MCF2: variants seen among roughly 807,000 people sequenced by gnomAD.
MCF2 encodes the protein proto-oncogene DBL.
MCF2 carries 44 observed loss-of-function variants against 82.5 expected under a neutral mutation model. The observed-to-expected ratio is 0.53, with a 90% CI of 0.42 to 0.69. MCF2 has a LOEUF of 0.69. Ranked by LOEUF, MCF2 falls within the 30% of genes least tolerant of loss-of-function variation. MCF2 has a pLI of 0.00. For missense variants in MCF2, 623 were observed against 663.1 expected (o/e 0.94, Z 0.66); for synonymous variants, 217 against 224.9 (o/e 0.96, Z 0.32).
intron 1 of MCF2, among the ~76,000 whole-genome samples, chrX:139,677,346 C>T (rs762783116): frequency 1.7e-4 from 19 of 111,431 alleles, no homozygotes; most frequent in Non-Finnish European, 3.0e-4. Context: ...AAGTCGCCCA[C>T]CCGACCCTCT....
chrX:139,664,456 C>G lies in MCF2; in HGVS notation c.-44-12668G>C, dbSNP rs2148543500. ...TACATTGAGTCTATGTGTTTCTTTACTGGTAAGGTGAAGCCATACAGGCTT... is the reference window on the plus strand; with the variant it reads ...TACATTGAGTCTATGTGTTTCTTTAGTGGTAAGGTGAAGCCATACAGGCTT... On this transcript the variant is annotated intron_variant, in intron 1 of 27. Coordinates refer to the MCF2 transcript ENST00000414978. 1.8e-5 allele frequency among the ~76,000 whole-genome samples: 2 copies of G among 111,893 alleles called. 1 individual carries two copies. The highest frequency in any genetic ancestry group is 7.4e-4 in the South Asian group (2 of 2,688).
intron 19 of MCF2, among the ~76,000 whole-genome samples, chrX:139,595,561 A>T (rs1929991108): frequency 1.3e-5 from 1 of 75,576 alleles, no homozygotes; most frequent in African/African-American, 5.4e-5. Flanking sequence ...GGAACATCAC[A>T]CTCCGGGGAC....
intron 1 of MCF2, among the ~76,000 whole-genome samples, chrX:139,659,642 T>C (rs1325983383): frequency 8.9e-6 from 1 of 111,787 alleles, no homozygotes; most frequent in African/African-American, 3.3e-5. Context: ...ACACGTGCCA[T>C]GTCATCCAAG....
intron 1 of MCF2, among the ~76,000 whole-genome samples, chrX:139,655,227 G>C (rs1409748422): frequency 1.8e-5 from 2 of 111,848 alleles, no homozygotes; most frequent in African/African-American, 6.5e-5. Flanking sequence ...AATTTCTGTG[G>C]GTAGAATTGT....
At position 139,685,164 on chromosome X, in the gene MCF2, C is replaced by A. The variant is rs73577581; in HGVS notation, c.-45+22942G>T. ...AGAAATCCTAGCCAAAACAATAAAACAAGACAAAGAAATAGAAGATATCCA... is the reference window on the plus strand; with the variant it reads ...AGAAATCCTAGCCAAAACAATAAAAAAAGACAAAGAAATAGAAGATATCCA... On this transcript the variant is annotated intron_variant, in intron 1 of 27. Coordinates refer to the MCF2 transcript ENST00000414978. Among the ~76,000 whole-genome samples the A allele has an allele frequency of 8.8e-3, 971 of 110,788 alleles. 10 individuals are homozygous for A. The highest frequency in any genetic ancestry group is 0.028 in the African/African-American group (863 of 30,460).
At chrX:139,698,049 AG>A (rs1935417565) in intron 1 of MCF2, among the ~76,000 whole-genome samples, 1 of 111,420 alleles carries the variant, frequency 9.0e-6, no homozygotes, top group African/African-American at 3.3e-5. Flanking sequence ...CTGAAGTGGG[AG>A]GCTCACCTGA....
At chrX:139,669,761 GA>G (rs1243847186) in intron 1 of MCF2, among the ~76,000 whole-genome samples, 1 of 111,689 alleles carries the variant, frequency 9.0e-6, no homozygotes, top group Non-Finnish European at 1.9e-5. Flanking sequence ...GATGAATCCT[GA>G]AAAAAACACG....
At chrX:139,676,041 C>G (rs1300152145) in intron 1 of MCF2, among the ~76,000 whole-genome samples, 1 of 112,655 alleles carries the variant, frequency 8.9e-6, no homozygotes, top group East Asian at 2.8e-4. Flanking sequence ...CGGACCCCCT[C>G]CCCCTGCTAG....
chrX:139,644,021 C>T (rs1415805352), upstream of MCF2, among the ~76,000 whole-genome samples: 1 of 111,958 alleles, frequency 8.9e-6, no homozygotes, highest in Non-Finnish European at 1.9e-5. Context: ...AAGGTCTACT[C>T]AGCAAGCCCA....
intron 1 of MCF2, among the ~76,000 whole-genome samples, chrX:139,705,085 C>A (rs1438622487): frequency 2.7e-5 from 3 of 111,138 alleles, no homozygotes; most frequent in Non-Finnish European, 3.8e-5. Flanking sequence ...GCTGAGGTGG[C>A]CAGATCACTT....
intron 19 of MCF2, among the ~76,000 whole-genome samples, chrX:139,594,258 G>A (rs1480986507): frequency 1.5e-4 from 17 of 110,110 alleles, no homozygotes; most frequent in East Asian, 8.5e-4. Context: ...AAAAGAGCCC[G>A]CACCGCCAAG....
intron 1 of MCF2, among the ~76,000 whole-genome samples, chrX:139,697,366 C>A (rs1935403977): frequency 8.9e-6 from 1 of 111,880 alleles, no homozygotes; most frequent in African/African-American, 3.2e-5. Flanking sequence ...ACATCTGGAT[C>A]CAGCCATGAC....
intron 21 of MCF2, 54 bp downstream of exon 25, chrX:139,588,306 G>A (rs901504219): frequency 9.8e-6 from 9 of 919,165 alleles, no homozygotes; most frequent in Non-Finnish European, 1.4e-5. Flanking sequence ...AAAAATCTGA[G>A]TCAATAAGCT....
rs67506907 is a variant in MCF2, at chrX:139,693,483, AACACACAC to A, written c.-45+14615_-45+14622del. Among the ~76,000 whole-genome samples the A allele has an allele frequency of 9.6e-3, 947 of 98,407 alleles. 11 individuals are homozygous for A. The highest frequency in any genetic ancestry group is 0.033 in the African/African-American group (898 of 26,983). 85.5% of individuals were successfully genotyped at this position (98,407 alleles called of 115,157 possible). A position where few individuals can be genotyped will look rare whatever the true frequency, so the allele number is the denominator to read the frequency against. ...CAAAAGGCAGAGTGAGTAGGGGAGG[AACACACAC>A]ACACACACACACACACACACACATG... is the stretch of plus-strand genomic sequence containing the variant. On this transcript the variant is annotated intron_variant, in intron 1 of 27. Transcript: ENST00000414978.
In MCF2 at chrX:139,635,895, A is replaced by AT. The variant is rs770060941; in HGVS notation, c.52-3442_52-3441insA. 9.1e-3 allele frequency among the ~76,000 whole-genome samples: 997 copies of AT among 109,499 alleles called. 14 individuals carry two copies. The highest frequency in any genetic ancestry group is 0.029 in the African/African-American group (881 of 30,006). On this transcript the variant is annotated intron_variant, in intron 1 of 24. Coordinates refer to ENST00000370576, the Ensembl canonical transcript of MCF2. ...CCTCCCACCCTCCACCCTCAAGTAG[A>AT]CCCGTGTCTGTTGTTTCCTTCTTTG...
intron 2 of MCF2, 76 bp downstream of exon 5, chrX:139,632,259 A>G: frequency 3.7e-6 from 3 of 804,741 alleles, no homozygotes; most frequent in Middle Eastern, 3.5e-4. Context: ...ACATGGGCAC[A>G]TGTAAAATAT....
intron 6 of MCF2, among the ~76,000 whole-genome samples, chrX:139,622,795 T>C (rs901952667): frequency 3.6e-5 from 4 of 109,967 alleles, no homozygotes; most frequent in Non-Finnish European, 5.7e-5. Flanking sequence ...GACAAGTTAA[T>C]AGGTGTAGCA....
chrX:139,672,424 C>T (rs1934727431), intron 1 of MCF2, among the ~76,000 whole-genome samples: 1 of 112,447 alleles, frequency 8.9e-6, no homozygotes, highest in Non-Finnish European at 1.9e-5. Flanking sequence ...CAGTTTTTGC[C>T]CATTCAGTAT....
chrX:139,631,697 T>G (rs1932934947), intron 2 of MCF2, among the ~76,000 whole-genome samples, 186 bp from the exon 6 acceptor site: 1 of 111,552 alleles, frequency 9.0e-6, no homozygotes, highest in Non-Finnish European at 1.9e-5. Flanking sequence ...CAGTTTCTAT[T>G]TACAAAACAT....
Sources: gnomAD v4.1 joint callset for allele counts (sites outside exome capture counted in the v4.1 genomes callset) on GRCh38, gnomAD v4.1.1 for gene constraint, MANE v1.5 for transcripts, NCBI Gene and HGNC (gene_info 2026-07-23, HGNC 2026-07-21) for gene names.